LINGO2: variants seen among roughly 807,000 people sequenced by gnomAD.
The protein encoded by LINGO2 is leucine-rich repeat and immunoglobulin-like domain-containing nogo receptor-interacting protein 2.
Under a neutral mutation model 30.6 loss-of-function variants are expected in LINGO2, and 14 were observed. That is an observed-to-expected ratio of 0.46 (90% CI 0.30 to 0.72). The LOEUF is 0.72. Ranked by LOEUF, LINGO2 falls within the 30% of genes least tolerant of loss-of-function variation. The pLI is 0.07. For missense variants in LINGO2, 729 were observed against 751.7 expected, an observed-to-expected ratio of 0.97 and a Z score of 0.35; for synonymous variants, 317 against 288.5, an observed-to-expected ratio of 1.10 and a Z score of -1.00.
At chr9:28,683,463 C>T in the LINGO2 span, among the ~76,000 whole-genome samples, 1 of 151,990 alleles carries the variant, frequency 6.6e-6, no homozygotes, top group Non-Finnish European at 1.5e-5. Context: ...TTAAATCAAG[C>T]CTTCTAAGTT....
intron 4 of LINGO2, among the ~76,000 whole-genome samples, chr9:28,039,759 A>G (rs1040312121): frequency 6.6e-6 from 1 of 152,180 alleles, no homozygotes; most frequent in Non-Finnish European, 1.5e-5. Flanking sequence ...TAGTCTTTAA[A>G]TAGTCTCCCA....
chr9:28,951,990 T>C, the LINGO2 span, among the ~76,000 whole-genome samples: 1 of 151,984 alleles, frequency 6.6e-6, no homozygotes, highest in Non-Finnish European at 1.5e-5. Context: ...AAAACCACAA[T>C]GAGATACCAT....
At chr9:29,203,665 C>A in the LINGO2 span, among the ~76,000 whole-genome samples, 1 of 152,142 alleles carries the variant, frequency 6.6e-6, no homozygotes, top group Non-Finnish European at 1.5e-5. Flanking sequence ...CAGATTACAA[C>A]GTTGTAACTG....
the LINGO2 span, among the ~76,000 whole-genome samples, chr9:28,771,555 T>C: frequency 2.6e-5 from 4 of 151,298 alleles, no homozygotes; most frequent in East Asian, 1.9e-4. Flanking sequence ...TTGGAATTAA[T>C]TGGACATTAG....
chr9:28,031,359 T>A (rs1823660941), intron 4 of LINGO2, among the ~76,000 whole-genome samples: 1 of 152,004 alleles, frequency 6.6e-6, no homozygotes, highest in African/African-American at 2.4e-5. Context: ...GATGGTTTTT[T>A]TTTTTTTTTA....
intron 1 of LINGO2, among the ~76,000 whole-genome samples, chr9:28,669,302 ACTT>A (rs1005379518): frequency 2.4e-4 from 36 of 152,040 alleles, no homozygotes; most frequent in African/African-American, 8.7e-4. Flanking sequence ...TTTTTAGAAA[ACTT>A]CTTTTTTTTC....
intron 1 of LINGO2, among the ~76,000 whole-genome samples, chr9:28,643,735 C>T (rs1439767160): frequency 6.6e-6 from 1 of 151,740 alleles, no homozygotes; most frequent in Admixed American, 6.6e-5. Context: ...ACAATCAATG[C>T]AGTAAAGAGA....
At chr9:28,325,341 T>C (rs1825190562) in intron 3 of LINGO2, among the ~76,000 whole-genome samples, 1 of 152,110 alleles carries the variant, frequency 6.6e-6, no homozygotes. Context: ...CTTTGAAATA[T>C]AATCATCAAG....
At chr9:28,217,490 A>C (rs1820809099) in intron 4 of LINGO2, among the ~76,000 whole-genome samples, 1 of 152,198 alleles carries the variant, frequency 6.6e-6, no homozygotes, top group Middle Eastern at 3.4e-3. Flanking sequence ...TCATACCCTT[A>C]TGCATGACTG....
At chr9:28,725,037 A>G in the LINGO2 span, among the ~76,000 whole-genome samples, 1 of 152,140 alleles carries the variant, frequency 6.6e-6, no homozygotes, top group Non-Finnish European at 1.5e-5. Context: ...TGAAATAAAA[A>G]TACAAGAAGA....
the LINGO2 span, among the ~76,000 whole-genome samples, chr9:28,928,746 T>C: frequency 0.041 from 6,269 of 152,262 alleles, 195 homozygotes; most frequent in Admixed American, 0.082. Context: ...TGTTTGTTTT[T>C]AACTGGTACA....
At chr9:28,233,053 T>TA (rs1304755342) in intron 4 of LINGO2, among the ~76,000 whole-genome samples, 1,581 of 120,986 alleles carry the variant, frequency 0.013, 90 homozygotes, top group African/African-American at 0.052. Flanking sequence ...TATATATATA[T>TA]ATATATATTA....
chr9:28,656,606 TAAAG>T, intron 1 of LINGO2, among the ~76,000 whole-genome samples: 2 of 152,260 alleles, frequency 1.3e-5, no homozygotes, highest in African/African-American at 4.8e-5. Context: ...TCTTGCATGA[TAAAG>T]AGAGATTGAG....
At chr9:28,834,614 T>C in the LINGO2 span, among the ~76,000 whole-genome samples, 1 of 152,118 alleles carries the variant, frequency 6.6e-6, no homozygotes, top group Non-Finnish European at 1.5e-5. Context: ...CAGACAAAAA[T>C]GCTTTCAAAA....
the LINGO2 span, among the ~76,000 whole-genome samples, chr9:28,968,788 T>C: frequency 6.6e-6 from 1 of 152,176 alleles, no homozygotes; most frequent in South Asian, 2.1e-4. Flanking sequence ...AATTTTGATG[T>C]ATAAAGTGCA....
the LINGO2 span, among the ~76,000 whole-genome samples, chr9:28,999,923 T>C: frequency 6.6e-6 from 1 of 151,986 alleles, no homozygotes; most frequent in Non-Finnish European, 1.5e-5. Flanking sequence ...GATCTGGCTC[T>C]TTCCACTCAG....
At position 28,031,966 on chromosome 9, in the gene LINGO2, G is replaced by C. The variant is rs1418357051; in HGVS notation, c.-86-19561C>G. Among the ~76,000 whole-genome samples, 4 of 149,964 alleles carry C rather than the reference G, an allele frequency of 2.7e-5. No individual in the cohort carries two copies. In the East Asian group the frequency reaches 8.1e-4, roughly 30 times the overall value. ...GCCAGGCAGGCAGTACCTATTAAAA[G>C]TTGTTTGGAGATTAGGGCTCAGAGA... On this transcript the variant is annotated intron_variant, in intron 4 of 5. Transcript: ENST00000379992.
chr9:29,188,551 C>A, the LINGO2 span, among the ~76,000 whole-genome samples: 2 of 152,210 alleles, frequency 1.3e-5, no homozygotes, highest in Non-Finnish European at 2.9e-5. Flanking sequence ...CACAAAACCG[C>A]CATTGTCATC....
chr9:28,252,413 G>A (rs1244111421), intron 4 of LINGO2, among the ~76,000 whole-genome samples: 1 of 152,054 alleles, frequency 6.6e-6, no homozygotes, highest in Non-Finnish European at 1.5e-5. Context: ...CTTTAGTAGA[G>A]ACGGGGTTTT....
Sources: allele counts gnomAD v4.1 joint callset (sites outside exome capture counted in the v4.1 genomes callset), GRCh38; gene constraint gnomAD v4.1.1; transcripts MANE v1.5; gene names NCBI Gene and HGNC (gene_info 2026-07-23, HGNC 2026-07-21).